The following ANKRD49 variants were observed in gnomAD, a reference collection of about 807,000 sequenced individuals.
The protein encoded by ANKRD49 is ankyrin repeat domain-containing protein 49.
A neutral mutation model predicts 19.6 loss-of-function variants in ANKRD49; 18 were observed. The observed-to-expected ratio is 0.92, with a 90% CI of 0.63 to 1.36. ANKRD49 has a LOEUF of 1.36. ANKRD49 is among the 40% of genes most tolerant of loss of function. The pLI, the probability that ANKRD49 is intolerant of heterozygous loss-of-function variation, is 0.00. For synonymous variants in ANKRD49, 88 were observed against 101.8 expected (o/e 0.86, Z 0.82); for missense variants, 218 against 281.6 (o/e 0.77, Z 1.62).
Position 94,496,865 on chromosome 11 carries a change from A to G in ANKRD49, c.172A>G (p.Lys58Glu), listed in dbSNP as rs530420052. The G allele has an allele frequency of 6.2e-7, 1 of 1,613,972 alleles. No individual in the cohort carries two copies. The highest frequency in any genetic ancestry group is 2.2e-5 in the East Asian group (1 of 44,862). The change falls in exon 2 of 3, where the codon AAA (lysine) becomes GAA (glutamate). Residue 58 changes from lysine (K) to glutamate (E), a missense_variant. Transcript: ENST00000544612. ...NSDEDEEQDD[K>E]NEEWYRLQEK... ...TGATGAAGATGAGGAGCAAGATGAC[A>G]AAAATGAAGAGTGGTATCGATTGCA... is the stretch of plus-strand genomic sequence containing the variant.
chr11:94,496,576 C>G, intron 1 of ANKRD49, 28 bp from the exon 2 acceptor site: 1 of 920,378 alleles, frequency 1.1e-6, no homozygotes, highest in East Asian at 2.5e-5. Flanking sequence ...TATTGTTTTA[C>G]TAATAACTTT....
Position 94,498,061 on chromosome 11 carries a change from T to C in ANKRD49, c.259-10T>C. ...AGTTGAGTTGAAAGATTTCTTTTTT[T>C]TCTTCTCAGCTTACCACAGTGCGGA... On this transcript the variant is annotated splice_polypyrimidine_tract_variant and intron_variant, in intron 2 of 2. Transcript: ENST00000544612. 6.5e-7 allele frequency: 1 copy of C among 1,546,650 alleles called. No individual in the cohort carries two copies. Among genetic ancestry groups the C allele is most frequent in the South Asian group, 1.2e-5 (1 of 83,298 alleles).
chr11:94,498,067 T>C lies in ANKRD49; in HGVS notation c.259-4T>C. The C allele has an allele frequency of 4.5e-6, 7 of 1,555,748 alleles. No individual in the cohort carries two copies. The highest frequency in any genetic ancestry group is 6.1e-6 in the Non-Finnish European group (7 of 1,152,352). The stretch of plus-strand genomic sequence containing the variant: ...GTTGAAAGATTTCTTTTTTTTCTTC[T>C]CAGCTTACCACAGTGCGGAGACTCC... On this transcript the variant is annotated splice_polypyrimidine_tract_variant and splice_region_variant and intron_variant, in intron 2 of 2. Coordinates refer to ENST00000544612, the MANE Select transcript of ANKRD49 (RefSeq NM_017704.3).
At chr11:94,497,999 C>T in intron 2 of ANKRD49, 72 bp from the exon 3 acceptor site, 1 of 1,197,164 alleles carries the variant, frequency 8.4e-7, no homozygotes, top group South Asian at 1.6e-5. Flanking sequence ...AATCTAACAC[C>T]ACAAGACAAT....
rs1159648677 is a variant in ANKRD49 at position 94,496,824 on chromosome 11, T to G, written c.131T>G (p.Leu44Arg). The G allele has an allele frequency of 7.4e-6, 12 of 1,613,896 alleles. No homozygotes were observed. The highest frequency in any genetic ancestry group is 1.3e-5 in the African/African-American group (1 of 74,870). The change falls in exon 2 of 3, where the codon CTT becomes CGT. Residue 44 changes from leucine to arginine, a missense_variant. Transcript: ENST00000544612. ...CTTATTCCTACTGGTACTCAAAGTC[T>G]TTGGGTAGGCAATTCTGATGAAGAT... ...GHLIPTGTQSLWVGNSDEDEE... is the reference protein window; with the variant it reads ...GHLIPTGTQSRWVGNSDEDEE...
intron 1 of ANKRD49, 167 bp downstream of exon 1, chr11:94,494,202 T>G (rs563669721): frequency 1.3e-5 from 2 of 152,092 alleles, no homozygotes; most frequent in African/African-American, 2.4e-5. Context: ...CGCTCTTGGC[T>G]GTTTGGAAGG....
intron 1 of ANKRD49, 124 bp downstream of exon 1, chr11:94,494,159 C>T (rs904019734): frequency 3.3e-5 from 5 of 152,336 alleles, no homozygotes; most frequent in Admixed American, 2.6e-4. Context: ...CAGGCCGCTT[C>T]GTGGTCCCCA....
chr11:94,494,783 A>C (rs1368872979), intron 1 of ANKRD49, among the ~76,000 whole-genome samples: 1 of 152,238 alleles, frequency 6.6e-6, no homozygotes, highest in Non-Finnish European at 1.5e-5. Context: ...TTTTATTGAA[A>C]GGAAAAGCAT....
In ANKRD49 at chr11:94,498,132, A is replaced by T; in HGVS notation, c.320A>T (p.Asp107Val). Residue 107 changes from aspartate (D) to valine (V), a missense_variant, in exon 3 of 3, where the codon GAT becomes GTT. Transcript: ENST00000544612. ...ACTCACGTGAACACTAGGGATGAAG[A>T]TGAGTATACCCCTCTTCATCGAGCA... ...KATHVNTRDE[D>V]EYTPLHRAAY... is the part of the protein sequence containing the mutation. The T allele has an allele frequency of 6.2e-7, 1 of 1,614,096 alleles. No individual in the cohort carries two copies. Among genetic ancestry groups the T allele is most frequent in the Non-Finnish European group, 8.5e-7 (1 of 1,180,018 alleles).
chr11:94,498,829 C>T lies in ANKRD49; in HGVS notation c.*297C>T, dbSNP rs966171401. On this transcript the variant is annotated 3_prime_UTR_variant, in exon 3 of 3. Transcript: ENST00000544612. The stretch of plus-strand genomic sequence containing the variant: ...GAAACTGGTATTTTTGGTGCTGATA[C>T]AAGAGAAATGTATTTTTAAATATCC... 2.4e-5 allele frequency: 8 copies of T among 332,338 alleles called. No individual in the cohort carries two copies. In the Admixed American group the frequency reaches 2.8e-4, roughly 12 times the overall value. 20.6% of individuals were successfully genotyped at this position (332,338 alleles called of 1,614,324 possible). A position where few individuals can be genotyped will look rare whatever the true frequency, so the allele number is the denominator to read the frequency against.
chr11:94,494,995 A>G (rs1464442767), intron 1 of ANKRD49, among the ~76,000 whole-genome samples: 1 of 152,192 alleles, frequency 6.6e-6, no homozygotes, highest in East Asian at 1.9e-4. Context: ...AGCAATTCTG[A>G]TTGGATATCT....
Position 94,496,819 on chromosome 11 carries a change from A to T in ANKRD49, c.126A>T (p.Gln42His), listed in dbSNP as rs1402360160. The change falls in exon 2 of 3, where the codon CAA becomes CAT. Residue 42 changes from glutamine (Q) to histidine (H), a missense_variant. Transcript: ENST00000544612. The part of the protein sequence containing the change: ...THGHLIPTGT[Q>H]SLWVGNSDED... ...GACACCTTATTCCTACTGGTACTCAAAGTCTTTGGGTAGGCAATTCTGATG... is the reference window on the plus strand; with the variant it reads ...GACACCTTATTCCTACTGGTACTCATAGTCTTTGGGTAGGCAATTCTGATG... 6.2e-6 allele frequency: 10 copies of T among 1,613,944 alleles called. No homozygotes were observed. Among genetic ancestry groups the T allele is most frequent in the Non-Finnish European group, 6.8e-6 (8 of 1,179,996 alleles).
rs1947422852 is a variant in ANKRD49 at position 94,496,715 on chromosome 11, G to A, written c.22G>A (p.Asp8Asn). MEKEKGN[D>N]DGIPDQENSL... Reference sequence around the variant, plus strand: ...AAAAATGGAAAAAGAAAAAGGAAATGATGATGGAATACCAGACCAAGAGAA... The same window carrying A: ...AAAAATGGAAAAAGAAAAAGGAAATAATGATGGAATACCAGACCAAGAGAA... Residue 8 changes from aspartate to asparagine, a missense_variant, in exon 2 of 3, where the codon GAT (aspartate) becomes AAT (asparagine). Physicochemically the swap from Asp to Asn is conservative, Grantham distance 23. Coordinates refer to ENST00000544612, the MANE Select transcript of ANKRD49 (RefSeq NM_017704.3). The A allele has an allele frequency of 2.5e-6, 4 of 1,585,738 alleles. No individual in the cohort carries two copies. In the African/African-American group the frequency reaches 4.1e-5, roughly 16 times the overall value.
At chr11:94,497,977 TCA>T in intron 2 of ANKRD49, 92 bp from the exon 3 acceptor site, 1 of 939,808 alleles carries the variant, frequency 1.1e-6, no homozygotes, top group Non-Finnish European at 1.5e-6. Flanking sequence ...AAGTTTTTAT[TCA>T]ACTTAATTAA....
Position 94,498,168 on chromosome 11 carries a change from G to C in ANKRD49, c.356G>C (p.Gly119Ala). 1 of 1,614,150 alleles carries C rather than the reference G, an allele frequency of 6.2e-7. No individual in the cohort carries two copies. The highest frequency in any genetic ancestry group is 8.5e-7 in the Non-Finnish European group (1 of 1,180,030). The change falls in exon 3 of 3, where the codon GGA (glycine) becomes GCA (alanine). Residue 119 changes from glycine to alanine, a missense_variant. Transcript: ENST00000544612. ...YTPLHRAAYS[G>A]HLDIVQELIA... ...CCTCTTCATCGAGCAGCCTACAGTG[G>C]ACACTTAGATATTGTTCAGGAGCTC...
Position 94,498,645 on chromosome 11 carries a change from C to G in ANKRD49, c.*113C>G. The G allele has an allele frequency of 3.4e-6, 3 of 887,026 alleles. No individual in the cohort carries two copies. Among genetic ancestry groups the G allele is most frequent in the South Asian group, 3.5e-5 (2 of 57,620 alleles). The allele number at this position is 887,026 out of a possible 1,614,324, so 54.9% of individuals were successfully genotyped here. ...CTTACTACAAAAATTCAGTGACATT[C>G]ATTATAACATTCTTCCAAGTGAATT... On this transcript the variant is annotated 3_prime_UTR_variant, in exon 3 of 3. Transcript: ENST00000544612.
At chr11:94,494,538 T>C (rs901024508) in intron 1 of ANKRD49, among the ~76,000 whole-genome samples, 17 of 151,952 alleles carry the variant, frequency 1.1e-4, no homozygotes, top group African/African-American at 4.1e-4. Flanking sequence ...TTGTAAGGAG[T>C]TGACATAGTT....
Position 94,496,775 on chromosome 11 carries a change from G to A in ANKRD49, c.82G>A (p.Glu28Lys), listed in dbSNP as rs777177524. ...LDFSEHFNQL[E>K]LLETHGHLIP... ...TTTTTCTGAACACTTTAACCAACTT[G>A]AATTGTTGGAAACACATGGACACCT... Residue 28 changes from glutamate to lysine, a missense_variant, in exon 2 of 3, where the codon GAA becomes AAA. Physicochemically the swap from Glu to Lys is moderately conservative, Grantham distance 56. Transcript: ENST00000544612. 7.4e-6 allele frequency: 12 copies of A among 1,613,732 alleles called. No individual in the cohort carries two copies. The highest frequency in any genetic ancestry group is 1.3e-5 in the African/African-American group (1 of 74,898).
At chr11:94,495,168 A>G (rs911038250) in intron 1 of ANKRD49, among the ~76,000 whole-genome samples, 9 of 152,222 alleles carry the variant, frequency 5.9e-5, no homozygotes, top group Admixed American at 4.6e-4. Context: ...GCCACTAGTA[A>G]TAAAGTTTAA....
Sources: gnomAD v4.1 joint callset for allele counts (sites outside exome capture counted in the v4.1 genomes callset) on GRCh38, gnomAD v4.1.1 for gene constraint, MANE v1.5 for transcripts, NCBI Gene and HGNC (gene_info 2026-07-23, HGNC 2026-07-21) for gene names.